The following DPYD variants were observed in gnomAD, a reference collection of about 807,000 sequenced individuals.
The protein encoded by DPYD is dihydropyrimidine dehydrogenase [NADP(+)].
A neutral mutation model predicts 116.2 loss-of-function variants in DPYD; 109 were observed. The ratio of observed to expected loss-of-function variants is 0.94; its 90% CI spans 0.80 to 1.10. The LOEUF (loss-of-function observed/expected upper bound fraction) is 1.10. Among genes scored for constraint, DPYD ranks in the 50% least tolerant of loss-of-function variants. The pLI is 0.00. For synonymous variants in DPYD, 440 were observed against 432.0 expected, an observed-to-expected ratio of 1.02 and a Z score of -0.23; for missense variants, 1,302 against 1,254.5, an observed-to-expected ratio of 1.04 and a Z score of -0.57.
chr1:97,576,881 T>C (rs917505369), intron 10 of DPYD, among the ~76,000 whole-genome samples: 3 of 152,220 alleles, frequency 2.0e-5, no homozygotes, highest in African/African-American at 4.8e-5. Flanking sequence ...AACTAGACTA[T>C]TAAGCAGCAG....
At chr1:97,844,501 C>T (rs1157883558) in intron 2 of DPYD, among the ~76,000 whole-genome samples, 1 of 152,150 alleles carries the variant, frequency 6.6e-6, no homozygotes, top group Non-Finnish European at 1.5e-5. Context: ...CATAATGTAA[C>T]CCTTATAAAA....
chr1:97,337,338 C>G (rs1324121637), intron 16 of DPYD, among the ~76,000 whole-genome samples: 1 of 152,160 alleles, frequency 6.6e-6, no homozygotes, highest in East Asian at 1.9e-4. Flanking sequence ...CGAGCAGAAA[C>G]AAATATTCCC....
At chr1:97,313,230 A>C (rs1374344739) in intron 16 of DPYD, among the ~76,000 whole-genome samples, 1 of 151,930 alleles carries the variant, frequency 6.6e-6, no homozygotes, top group Non-Finnish European at 1.5e-5. Flanking sequence ...CCTACACCAC[A>C]CAAATTGACA....
chr1:97,192,928 T>C (rs1394511050), intron 20 of DPYD, 141 bp downstream of exon 20: 6 of 909,638 alleles, frequency 6.6e-6, no homozygotes, highest in Non-Finnish European at 1.1e-5. Context: ...CAAGTCTCCT[T>C]CAGAAAGAGT....
intron 8 of DPYD, among the ~76,000 whole-genome samples, chr1:97,657,139 T>A (rs1389901683): frequency 6.6e-6 from 1 of 151,904 alleles, no homozygotes; most frequent in Non-Finnish European, 1.5e-5. Context: ...AGCTAATATT[T>A]TGTATTTTTA....
At chr1:97,900,398 C>G (rs1309523746) in intron 1 of DPYD, among the ~76,000 whole-genome samples, 1 of 151,846 alleles carries the variant, frequency 6.6e-6, no homozygotes, top group Non-Finnish European at 1.5e-5. Flanking sequence ...TGGTGGTCAA[C>G]TAGGTATGGG....
At chr1:97,462,924 A>G (rs1401707870) in intron 13 of DPYD, among the ~76,000 whole-genome samples, 1 of 152,140 alleles carries the variant, frequency 6.6e-6, no homozygotes, top group Non-Finnish European at 1.5e-5. Flanking sequence ...CATCTGCATA[A>G]TAAGAATCTT....
At chr1:97,538,700 A>G (rs1431077369) in intron 12 of DPYD, among the ~76,000 whole-genome samples, 1 of 152,236 alleles carries the variant, frequency 6.6e-6, no homozygotes, top group African/African-American at 2.4e-5. Flanking sequence ...GTAACTTTCA[A>G]TAGTATTTCA....
chr1:97,921,031 G>A lies in DPYD; in HGVS notation c.-109C>T, dbSNP rs1360361709. 6.5e-6 allele frequency: 9 copies of A among 1,391,930 alleles called. No individual in the cohort carries two copies. Among genetic ancestry groups the A allele is most frequent in the Non-Finnish European group, 6.9e-6 (7 of 1,016,246 alleles). 86.2% of individuals were successfully genotyped at this position (1,391,930 alleles called of 1,614,324 possible). ...CCGGAGCGCGAGTCGAAAACAGGCA[G>A]ACTAGGGCCGGCGGCGCGGGGGCGG... On this transcript the variant is annotated 5_prime_UTR_variant, in exon 1 of 23. Coordinates refer to ENST00000370192, the MANE Select transcript of DPYD (RefSeq NM_000110.4).
intron 4 of DPYD, among the ~76,000 whole-genome samples, chr1:97,732,349 C>T (rs1266844119): frequency 6.6e-6 from 1 of 151,846 alleles, no homozygotes; most frequent in Non-Finnish European, 1.5e-5. Context: ...GTGGCACACG[C>T]CTGTAGTCTC....
intron 8 of DPYD, among the ~76,000 whole-genome samples, chr1:97,639,436 T>C (rs1030320505): frequency 2.0e-5 from 3 of 152,158 alleles, no homozygotes; most frequent in African/African-American, 7.2e-5. Context: ...TATTAACTGT[T>C]ATTTTGTGTG....
chr1:97,227,565 TA>T (rs1273263554), intron 19 of DPYD, among the ~76,000 whole-genome samples: 1 of 151,666 alleles, frequency 6.6e-6, no homozygotes, highest in Non-Finnish European at 1.5e-5. Flanking sequence ...TTAAGAAGTT[TA>T]AAAAAAGTAT....
At chr1:97,107,413 C>T (rs1049670294) in intron 20 of DPYD, among the ~76,000 whole-genome samples, 2 of 151,986 alleles carry the variant, frequency 1.3e-5, no homozygotes, top group Non-Finnish European at 2.9e-5. Flanking sequence ...TCTAAAGGAC[C>T]TTTGCTTATA....
At chr1:97,274,041 A>G (rs1410566735) in intron 18 of DPYD, among the ~76,000 whole-genome samples, 5 of 152,198 alleles carry the variant, frequency 3.3e-5, no homozygotes, top group African/African-American at 4.8e-5. Context: ...TTTGATGCCT[A>G]TTGTGCTAAA....
intron 20 of DPYD, among the ~76,000 whole-genome samples, chr1:97,101,213 G>T (rs1259246308): frequency 6.6e-6 from 1 of 151,772 alleles, no homozygotes; most frequent in Non-Finnish European, 1.5e-5. Context: ...AGCTCTCAGA[G>T]ACTAAGGTAT....
chr1:97,798,795 G>C (rs902901927), intron 3 of DPYD, among the ~76,000 whole-genome samples: 1 of 151,852 alleles, frequency 6.6e-6, no homozygotes, highest in African/African-American at 2.4e-5. Context: ...ATTCACTTCA[G>C]TTATTTAAAG....
chr1:97,891,972 G>A (rs1181226751), intron 1 of DPYD, among the ~76,000 whole-genome samples: 1 of 151,710 alleles, frequency 6.6e-6, no homozygotes, highest in Non-Finnish European at 1.5e-5. Context: ...GTACTTACAT[G>A]CTTAAGATGA....
At chr1:97,715,621 A>T (rs1402527777) in intron 5 of DPYD, among the ~76,000 whole-genome samples, 2 of 152,108 alleles carry the variant, frequency 1.3e-5, no homozygotes, top group Non-Finnish European at 2.9e-5. Context: ...TACTGGACTG[A>T]TTATTAATAA....
At chr1:97,415,979 G>T (rs201601476) in intron 14 of DPYD, among the ~76,000 whole-genome samples, 2 of 152,008 alleles carry the variant, frequency 1.3e-5, no homozygotes, top group South Asian at 4.2e-4. Context: ...TTTATGAGTC[G>T]TACTCCTGAT....
Sources: allele counts gnomAD v4.1 joint callset (sites outside exome capture counted in the v4.1 genomes callset), GRCh38; gene constraint gnomAD v4.1.1; transcripts MANE v1.5; gene names NCBI Gene and HGNC (gene_info 2026-07-23, HGNC 2026-07-21).